The following EFCAB3 variants were observed in gnomAD, a reference collection of about 807,000 sequenced individuals.
EFCAB3 encodes EF-hand calcium binding domain 3, also known as EF-hand calcium-binding domain-containing protein 3.
In EFCAB3, 36 loss-of-function variants were observed where a neutral mutation model predicts 42.2. The ratio of observed to expected loss-of-function variants is 0.85; its 90% CI spans 0.65 to 1.13. EFCAB3 has a LOEUF of 1.13. Among genes scored for constraint, EFCAB3 ranks in the 50% most tolerant of loss-of-function variants. The pLI is 0.00. For synonymous variants in EFCAB3, 170 were observed against 172.8 expected (o/e 0.98, Z 0.13); for missense variants, 418 against 505.1 (o/e 0.83, Z 1.65).
intron 8 of EFCAB3, among the ~76,000 whole-genome samples, chr17:62,413,279 A>G (rs1173291573): frequency 6.6e-6 from 1 of 152,234 alleles, no homozygotes; most frequent in Non-Finnish European, 1.5e-5. Context: ...ATGAACAGAC[A>G]GTTCTCAGAA....
chr17:62,403,841 G>T (rs376224362), intron 6 of EFCAB3, among the ~76,000 whole-genome samples: 22 of 152,190 alleles, frequency 1.4e-4, no homozygotes, highest in African/African-American at 4.6e-4. Context: ...GTAAAGACAG[G>T]GTTTCACCAC....
chr17:62,400,436 T>C (rs2070390920), intron 6 of EFCAB3, among the ~76,000 whole-genome samples: 1 of 152,118 alleles, frequency 6.6e-6, no homozygotes, highest in Non-Finnish European at 1.5e-5. Context: ...TGTCCAAGTG[T>C]TCTCATTGTT....
chr17:62,411,833 G>A (rs1057467580), intron 8 of EFCAB3, among the ~76,000 whole-genome samples: 1 of 144,384 alleles, frequency 6.9e-6, no homozygotes, highest in Non-Finnish European at 1.5e-5. Flanking sequence ...AGGGAGGAAG[G>A]AGGGAAGAAA....
intron 7 of EFCAB3, 133 bp from the exon 8 acceptor site, chr17:62,406,895 G>A (rs978811275): frequency 3.0e-4 from 157 of 521,128 alleles, no homozygotes; most frequent in Non-Finnish European, 4.2e-4. Flanking sequence ...GGGGGTGGGA[G>A]CAGGAGAGTG....
chr17:62,416,281 C>A lies in EFCAB3; in HGVS notation c.1269C>A (p.Asp423Glu), dbSNP rs779169004. The A allele has an allele frequency of 2.9e-5, 47 of 1,611,196 alleles. No homozygotes were observed. The South Asian group carries it at 4.6e-4, about 16-fold the overall frequency. Residue 423 changes from aspartate to glutamate, a missense_variant, in exon 10 of 10, where the codon GAC becomes GAA. By Grantham distance (45) the Asp-to-Glu change is conservative. Coordinates refer to ENST00000305286, the MANE Select transcript of EFCAB3 (RefSeq NM_173503.4). ...CAGATACCAGTGAATGTTACACAGA[C>A]TCAGGAAGAAAAAGAAAACGGAAAG... ...SSSDTSECYT[D>E]SGRKRKRKGL...
intron 9 of EFCAB3, among the ~76,000 whole-genome samples, chr17:62,415,127 A>ACC (rs2070534808): frequency 1.4e-5 from 2 of 147,846 alleles, no homozygotes; most frequent in Admixed American, 1.4e-4. Flanking sequence ...AACAAAAAAA[A>ACC]ACAAAAAAAC....
At chr17:62,405,003 AT>A (rs1277456460) in intron 6 of EFCAB3, among the ~76,000 whole-genome samples, 1 of 152,240 alleles carries the variant, frequency 6.6e-6, no homozygotes, top group Non-Finnish European at 1.5e-5. Flanking sequence ...AGCTGGAGTG[AT>A]TGTTAAAACA....
intron 8 of EFCAB3, among the ~76,000 whole-genome samples, chr17:62,408,734 T>G (rs1268764978): frequency 6.6e-6 from 1 of 152,238 alleles, no homozygotes; most frequent in Non-Finnish European, 1.5e-5. Flanking sequence ...AGGCTCTCAT[T>G]GCCTATCCAA....
chr17:62,397,854 C>A (rs918307560), intron 6 of EFCAB3: 18 of 262,910 alleles, frequency 6.8e-5, no homozygotes, highest in Admixed American at 4.4e-4. Flanking sequence ...GAAACCCCGT[C>A]TCTACTAAAA....
intron 1 of EFCAB3, chr17:62,381,784 T>C: frequency 2.4e-6 from 1 of 418,512 alleles, no homozygotes. Flanking sequence ...GACGACCGGC[T>C]CAACGAGGTT....
chr17:62,387,643 C>G (rs2070265041), intron 3 of EFCAB3, among the ~76,000 whole-genome samples: 3 of 152,094 alleles, frequency 2.0e-5, no homozygotes, highest in African/African-American at 7.2e-5. Context: ...CAAAGAAGAA[C>G]TTGTGGGTAT....
At chr17:62,387,440 T>C in intron 3 of EFCAB3, 24 bp downstream of exon 3, 1 of 1,590,204 alleles carries the variant, frequency 6.3e-7, no homozygotes, top group Non-Finnish European at 8.6e-7. Flanking sequence ...TCCTCAAAAT[T>C]GAAGCATAAC....
intron 8 of EFCAB3, among the ~76,000 whole-genome samples, chr17:62,407,904 A>G (rs1407541372): frequency 6.6e-6 from 1 of 152,202 alleles, no homozygotes; most frequent in Non-Finnish European, 1.5e-5. Context: ...TGTTGTTCAC[A>G]TCACTATACA....
upstream of EFCAB3, among the ~76,000 whole-genome samples, chr17:62,380,067 T>C (rs946632564): frequency 1.3e-5 from 2 of 152,322 alleles, no homozygotes; most frequent in East Asian, 1.9e-4. Flanking sequence ...AGGGGCGTGA[T>C]CTCAGTTCAC....
intron 6 of EFCAB3, among the ~76,000 whole-genome samples, chr17:62,395,898 A>G (rs2144086606): frequency 6.6e-6 from 1 of 152,246 alleles, no homozygotes; most frequent in African/African-American, 2.4e-5. Context: ...AGTGTGTAGA[A>G]TTCCACCAAC....
chr17:62,387,361 T>C lies in EFCAB3; in HGVS notation c.96T>C (p.Ser32=). ...TCAGGGATAGAGACTTACCAGGATC[T>C]CTTCAATGCCAATTACAACACAAAG... ...HNKRDRDLPG[S]LQCQLQHKEK... is the part of the protein sequence containing the mutation. The change falls in exon 3 of 10, where the codon TCT becomes TCC. Residue 32 remains serine (S), a synonymous_variant. Coordinates refer to ENST00000305286, the MANE Select transcript of EFCAB3 (RefSeq NM_173503.4). 5.0e-6 allele frequency: 8 copies of C among 1,611,648 alleles called. No individual in the cohort carries two copies. The highest frequency in any genetic ancestry group is 6.8e-6 in the Non-Finnish European group (8 of 1,178,600).
Position 62,406,687 on chromosome 17 carries a change from G to T in EFCAB3, c.682+14G>T. The T allele has an allele frequency of 6.2e-7, 1 of 1,613,278 alleles. No individual in the cohort carries two copies. The highest frequency in any genetic ancestry group is 8.5e-7 in the Non-Finnish European group (1 of 1,179,456). On this transcript the variant is annotated intron_variant, in intron 7 of 9. Coordinates refer to ENST00000305286, the MANE Select transcript of EFCAB3 (RefSeq NM_173503.4). ...AAGAGCTCAAGAGTAAGAGCCATTT[G>T]TTCTCTCTCTACTGTTGTAAAGGAT... is the stretch of plus-strand genomic sequence containing the variant.
upstream of EFCAB3, among the ~76,000 whole-genome samples, chr17:62,377,042 TAG>T (rs111680352): frequency 5.5e-4 from 82 of 148,444 alleles, no homozygotes; most frequent in African/African-American, 7.8e-4. Context: ...AGCCAAGCAA[TAG>T]AGAGAGAGAG....
intron 1 of EFCAB3, among the ~76,000 whole-genome samples, chr17:62,372,185 C>T (rs2070119098): frequency 6.6e-6 from 1 of 152,074 alleles, no homozygotes; most frequent in African/African-American, 2.4e-5. Context: ...CCGTTGCAAA[C>T]ATATCTCCAT....
Sources: allele counts gnomAD v4.1 joint callset (sites outside exome capture counted in the v4.1 genomes callset), GRCh38; gene constraint gnomAD v4.1.1; transcripts MANE v1.5; gene names NCBI Gene and HGNC (gene_info 2026-07-23, HGNC 2026-07-21).